Variants in DOCK8 observed in about 807,000 individuals in gnomAD.
DOCK8 encodes dedicator of cytokinesis 8.
Under a neutral mutation model 245.6 loss-of-function variants are expected in DOCK8, and 141 were observed. The ratio of observed to expected loss-of-function variants is 0.57; its 90% CI spans 0.50 to 0.66. DOCK8 has a LOEUF of 0.66. Among genes scored for constraint, DOCK8 ranks in the 30% least tolerant of loss-of-function variants. The pLI is 0.00. For synonymous variants in DOCK8, 1,168 were observed against 970.2 expected, an observed-to-expected ratio of 1.20 and a Z score of -3.79; for missense variants, 2,965 against 2,603.4, an observed-to-expected ratio of 1.14 and a Z score of -3.02.
chr9:361,406 C>T (rs888171649), intron 14 of DOCK8, among the ~76,000 whole-genome samples: 3 of 152,224 alleles, frequency 2.0e-5, no homozygotes, highest in African/African-American at 4.8e-5. Context: ...CGTTTGTTCA[C>T]ACAATCCTGG....
rs111815538 is a variant in DOCK8 at position 373,817 on chromosome 9, A to G, written c.2109+1531A>G. On this transcript the variant is annotated intron_variant, in intron 18 of 47. Coordinates refer to ENST00000432829, the MANE Select transcript of DOCK8 (RefSeq NM_203447.4). ...GGGCAATCCGAGTATGTCCACAGAC[A>G]TTTCCCTGATTGGTCTTTATGATTT... is the stretch of plus-strand genomic sequence containing the variant. Among the ~76,000 whole-genome samples, 421 of 152,338 alleles carry G rather than the reference A, an allele frequency of 2.8e-3. 8 individuals are homozygous for G. The highest frequency in any genetic ancestry group is 9.8e-4 in the Non-Finnish European group (67 of 68,036).
chr9:432,398 A>G (rs982385553), intron 37 of DOCK8, 74 bp downstream of exon 37: 1 of 1,353,338 alleles, frequency 7.4e-7, no homozygotes, highest in Non-Finnish European at 1.0e-6. Context: ...ATGTATGTAC[A>G]TATATACACA....
intron 1 of DOCK8, among the ~76,000 whole-genome samples, chr9:223,694 A>C (rs991529746): frequency 6.6e-6 from 1 of 152,026 alleles, no homozygotes; most frequent in Non-Finnish European, 1.5e-5. Flanking sequence ...TACAGATGAT[A>C]ATATGGCAAG....
chr9:448,999 T>C (rs1288635905), intron 44 of DOCK8, among the ~76,000 whole-genome samples: 1 of 152,230 alleles, frequency 6.6e-6, no homozygotes, highest in East Asian at 1.9e-4. Flanking sequence ...GCCTGTGTTA[T>C]GATGGGGGAG....
chr9:218,900 T>C (rs2046822783), intron 1 of DOCK8, among the ~76,000 whole-genome samples: 1 of 152,172 alleles, frequency 6.6e-6, no homozygotes, highest in Non-Finnish European at 1.5e-5. Context: ...TTCACCTCTA[T>C]GAGATAGGAG....
chr9:242,248 C>A (rs544259188), intron 1 of DOCK8, among the ~76,000 whole-genome samples: 2 of 152,094 alleles, frequency 1.3e-5, no homozygotes, highest in African/African-American at 4.8e-5. Flanking sequence ...CACCACCCCC[C>A]AAAAAATGAC....
At chr9:232,611 T>C (rs1285701198) in intron 1 of DOCK8, among the ~76,000 whole-genome samples, 1 of 152,188 alleles carries the variant, frequency 6.6e-6, no homozygotes, top group East Asian at 1.9e-4. Flanking sequence ...AACTTCTTCC[T>C]GGTTTAGTCT....
At chr9:229,661 G>C (rs1220212986) in intron 1 of DOCK8, among the ~76,000 whole-genome samples, 1 of 152,074 alleles carries the variant, frequency 6.6e-6, no homozygotes, top group Non-Finnish European at 1.5e-5. Flanking sequence ...CTCAATGACT[G>C]CTGCTGTCTA....
chr9:242,022 T>C (rs1265046795), intron 1 of DOCK8, among the ~76,000 whole-genome samples: 4 of 152,240 alleles, frequency 2.6e-5, no homozygotes, highest in African/African-American at 9.6e-5. Flanking sequence ...CACATAGTTC[T>C]GATAATTCAG....
chr9:439,169 C>A, intron 39 of DOCK8, 76 bp from the exon 40 acceptor site: 1 of 1,594,968 alleles, frequency 6.3e-7, no homozygotes, highest in African/African-American at 1.3e-5. Context: ...TTCCTCGTTT[C>A]CCCATTCGGG....
At chr9:416,228 C>T (rs1182439580) in intron 29 of DOCK8, among the ~76,000 whole-genome samples, 2 of 152,164 alleles carry the variant, frequency 1.3e-5, no homozygotes, top group Non-Finnish European at 2.9e-5. Context: ...CTAGCAGCGC[C>T]TGATTGCGCG....
intron 40 of DOCK8, 41 bp from the exon 41 acceptor site, chr9:441,245 G>T (rs369417408): frequency 3.7e-6 from 6 of 1,613,700 alleles, no homozygotes; most frequent in Non-Finnish European, 8.5e-7. Context: ...TAAGTTTCCA[G>T]TGGATTAAAT....
intron 9 of DOCK8, 30 bp downstream of exon 9, chr9:328,201 C>G (rs777516170): frequency 6.2e-7 from 1 of 1,600,652 alleles, no homozygotes; most frequent in Non-Finnish European, 8.5e-7. Context: ...TTTGCCCAAT[C>G]TGATGTTTTC....
chr9:343,668 C>T (rs930612405), intron 14 of DOCK8, among the ~76,000 whole-genome samples: 23 of 152,232 alleles, frequency 1.5e-4, no homozygotes, highest in African/African-American at 2.6e-4. Flanking sequence ...TTAGTCCCCA[C>T]GTCTCCCTCC....
At chr9:258,560 C>G (rs1011270337) in intron 1 of DOCK8, among the ~76,000 whole-genome samples, 13 of 148,950 alleles carry the variant, frequency 8.7e-5, no homozygotes, top group African/African-American at 3.2e-4. Flanking sequence ...TTAGAAACAA[C>G]ATGGTAATGA....
intron 18 of DOCK8, among the ~76,000 whole-genome samples, chr9:374,451 G>GTTT (rs1563980130): frequency 4.8e-5 from 4 of 83,610 alleles, no homozygotes; most frequent in African/African-American, 1.7e-4. Flanking sequence ...TGGTCCTTTT[G>GTTT]TGTTTTTTTT....
At position 215,008 on chromosome 9, in the gene DOCK8, C is replaced by G; in HGVS notation, c.32C>G (p.Ala11Gly). 1.3e-6 allele frequency: 2 copies of G among 1,593,294 alleles called. No individual in the cohort carries two copies. The highest frequency in any genetic ancestry group is 1.7e-6 in the Non-Finnish European group (2 of 1,174,842). MATLPSAERR[A>G]FALKINRYSS... ...ACTCTGCCGAGCGCAGAGCGCCGCG[C>G]GTTCGCGCTCAAGATCAACAGGTAA... The change falls in exon 1 of 48, where the codon GCG (alanine) becomes GGG (glycine). Residue 11 changes from alanine to glycine, a missense_variant. Transcript: ENST00000432829.
chr9:319,474 CA>C (rs2050492075), intron 7 of DOCK8, among the ~76,000 whole-genome samples: 1 of 151,988 alleles, frequency 6.6e-6, no homozygotes, highest in African/African-American at 2.4e-5. Flanking sequence ...AGAGATAGAC[CA>C]AAAAGACAGC....
intron 22 of DOCK8, among the ~76,000 whole-genome samples, chr9:385,515 T>C (rs1426802864): frequency 6.6e-6 from 1 of 152,258 alleles, no homozygotes; most frequent in South Asian, 2.1e-4. Flanking sequence ...ATCTAAGTTC[T>C]TCCTTCTTTA....
Sources: gnomAD v4.1 joint callset for allele counts (sites outside exome capture counted in the v4.1 genomes callset) on GRCh38, gnomAD v4.1.1 for gene constraint, MANE v1.5 for transcripts, NCBI Gene and HGNC (gene_info 2026-07-23, HGNC 2026-07-21) for gene names.